The following LSAMP variants were observed in gnomAD, a reference collection of about 807,000 sequenced individuals.
LSAMP encodes the protein limbic system associated membrane protein.
In LSAMP, 7 loss-of-function variants were observed where a neutral mutation model predicts 38.6. That is an observed-to-expected ratio of 0.18 (90% CI 0.10 to 0.34). LSAMP has a LOEUF of 0.34. Among genes scored for constraint, LSAMP ranks in the 10% least tolerant of loss-of-function variants. LSAMP has a pLI of 1.00. For synonymous variants in LSAMP, 154 were observed against 166.8 expected (o/e 0.92, Z 0.59); for missense variants, 313 against 420.0 (o/e 0.75, Z 2.23).
At chr3:116,175,792 A>G (rs1352941214) in intron 1 of LSAMP, among the ~76,000 whole-genome samples, 1 of 152,114 alleles carries the variant, frequency 6.6e-6, no homozygotes, top group Non-Finnish European at 1.5e-5. Flanking sequence ...TGTGAAAAAG[A>G]CATTTCTATG....
Position 116,109,383 on chromosome 3 carries a change from A to G in LSAMP, c.156-22827T>C, listed in dbSNP as rs578233486. Among the ~76,000 whole-genome samples, 38 of 151,954 alleles carry G rather than the reference A, an allele frequency of 2.5e-4. No individual in the cohort carries two copies. In the South Asian group the frequency reaches 3.1e-3, roughly 13 times the overall value. ...CTGGCGAGGAGGGGAGAGGTCAGAT[A>G]GGTCTGTAGAAAAGGAAGATTAGAA... is the stretch of plus-strand genomic sequence containing the variant. On this transcript the variant is annotated intron_variant, in intron 1 of 6. Coordinates refer to ENST00000490035, the MANE Select transcript of LSAMP (RefSeq NM_002338.5).
At chr3:116,127,559 A>G (rs1226322114) in intron 1 of LSAMP, among the ~76,000 whole-genome samples, 1 of 152,200 alleles carries the variant, frequency 6.6e-6, no homozygotes, top group Non-Finnish European at 1.5e-5. Flanking sequence ...GTGCAAATTC[A>G]CAAGTACAAA....
chr3:115,819,230 A>C (rs1403146276), intron 6 of LSAMP, among the ~76,000 whole-genome samples: 1 of 151,934 alleles, frequency 6.6e-6, no homozygotes, highest in Non-Finnish European at 1.5e-5. Context: ...CAGATCACGA[A>C]GTCAGGAGTT....
intron 1 of LSAMP, among the ~76,000 whole-genome samples, chr3:116,093,612 C>T (rs765315677): frequency 5.5e-4 from 83 of 152,038 alleles, no homozygotes; most frequent in African/African-American, 9.9e-4. Context: ...GTTTCATAAT[C>T]GTAAAATGAT....
Position 115,805,028 on chromosome 3 carries a change from A to G in LSAMP, c.*5289T>C, listed in dbSNP as rs1933599518. On this transcript the variant is annotated 3_prime_UTR_variant, in exon 7 of 7. Transcript: ENST00000490035. Reference sequence around the variant, plus strand: ...GTTGAATGGAAAATAAAAACTGAGTAATATTTTGCTCATCAAGGTTTAGGT... The same window carrying G: ...GTTGAATGGAAAATAAAAACTGAGTGATATTTTGCTCATCAAGGTTTAGGT... The G allele has an allele frequency of 6.6e-6, 1 of 152,232 alleles. No individual in the cohort carries two copies. Among genetic ancestry groups the G allele is most frequent in the Non-Finnish European group, 1.5e-5 (1 of 68,032 alleles). 9.4% of individuals were successfully genotyped at this position (152,232 alleles called of 1,614,324 possible).
chr3:116,164,469 T>C (rs1414510285), intron 1 of LSAMP, among the ~76,000 whole-genome samples: 2 of 149,538 alleles, frequency 1.3e-5, no homozygotes, highest in Admixed American at 1.3e-4. Flanking sequence ...AAACCACAAG[T>C]ACGTTTGCAC....
At chr3:116,198,777 A>AAAAAAAAAAAG (rs1229439634) in intron 1 of LSAMP, among the ~76,000 whole-genome samples, 1,645 of 147,438 alleles carry the variant, frequency 0.011, 50 homozygotes, top group Non-Finnish European at 0.021. Context: ...TCTCAGAAAA[A>AAAAAAAAAAAG]AAAAGAAAAT....
intron 3 of LSAMP, among the ~76,000 whole-genome samples, chr3:115,882,561 G>A (rs1232875138): frequency 6.6e-6 from 1 of 151,890 alleles, no homozygotes; most frequent in Non-Finnish European, 1.5e-5. Context: ...GCATAATAGA[G>A]TTCCCATAGA....
intron 6 of LSAMP, among the ~76,000 whole-genome samples, chr3:115,826,664 A>T (rs1934422447): frequency 6.6e-6 from 1 of 152,216 alleles, no homozygotes; most frequent in Non-Finnish European, 1.5e-5. Context: ...TATTTCTTTG[A>T]GTAAATGAAT....
At chr3:116,335,999 C>A (rs1251974697) in intron 1 of LSAMP, among the ~76,000 whole-genome samples, 1 of 151,968 alleles carries the variant, frequency 6.6e-6, no homozygotes, top group Non-Finnish European at 1.5e-5. Context: ...GCTGTCAAGA[C>A]CATGCAATGG....
chr3:116,113,407 TATA>T (rs1708663462), intron 1 of LSAMP, among the ~76,000 whole-genome samples: 1 of 65,926 alleles, frequency 1.5e-5, no homozygotes. Context: ...GCCCTATATA[TATA>T]TATATATATA....
chr3:116,372,953 G>A (rs1484494787), intron 1 of LSAMP, among the ~76,000 whole-genome samples: 2 of 150,594 alleles, frequency 1.3e-5, no homozygotes, highest in African/African-American at 4.9e-5. Flanking sequence ...ATGTAAAATG[G>A]TACAGATGTT....
At chr3:116,444,392 A>ACACACACACACAC (rs141638402) in intron 1 of LSAMP, among the ~76,000 whole-genome samples, 14,330 of 143,832 alleles carry the variant, frequency 0.1, 781 homozygotes, top group Middle Eastern at 0.17. Context: ...TGGCATGAAA[A>ACACACACACACAC]ACACACACAC....
chr3:116,191,628 G>A (rs1710756947), intron 1 of LSAMP, among the ~76,000 whole-genome samples: 1 of 151,770 alleles, frequency 6.6e-6, no homozygotes, highest in Non-Finnish European at 1.5e-5. Context: ...GGAAATGGAA[G>A]TAATTTCCTT....
intron 1 of LSAMP, among the ~76,000 whole-genome samples, chr3:116,421,022 A>G (rs1162568259): frequency 6.6e-6 from 1 of 152,240 alleles, no homozygotes; most frequent in Non-Finnish European, 1.5e-5. Context: ...TAGCATACAT[A>G]GAAATTGATA....
At chr3:115,846,281 T>A (rs1340897777) in intron 4 of LSAMP, among the ~76,000 whole-genome samples, 2 of 152,218 alleles carry the variant, frequency 1.3e-5, no homozygotes, top group African/African-American at 4.8e-5. Context: ...TTCCAGTTTA[T>A]ATTAATTCAA....
At chr3:116,275,071 T>G (rs1207990339) in intron 1 of LSAMP, among the ~76,000 whole-genome samples, 1 of 150,336 alleles carries the variant, frequency 6.7e-6, no homozygotes, top group Non-Finnish European at 1.5e-5. Context: ...AATAAATAAA[T>G]AAACAGGCTC....
intron 1 of LSAMP, among the ~76,000 whole-genome samples, chr3:116,115,989 T>C (rs1461774166): frequency 1.3e-5 from 2 of 151,966 alleles, no homozygotes; most frequent in East Asian, 1.9e-4. Context: ...GAAAGTTTTA[T>C]TGAACTATTA....
At chr3:116,092,613 T>C (rs938163252) in intron 1 of LSAMP, among the ~76,000 whole-genome samples, 2 of 152,210 alleles carry the variant, frequency 1.3e-5, no homozygotes, top group Non-Finnish European at 2.9e-5. Flanking sequence ...AAAAAATCAA[T>C]GCACCCATAC....
Sources: allele counts gnomAD v4.1 joint callset (sites outside exome capture counted in the v4.1 genomes callset), GRCh38; gene constraint gnomAD v4.1.1; transcripts MANE v1.5; gene names NCBI Gene and HGNC (gene_info 2026-07-23, HGNC 2026-07-21).